The following HPSE2 variants were observed in gnomAD, a reference collection of about 807,000 sequenced individuals.
The protein encoded by HPSE2 is inactive heparanase-2.
Under a neutral mutation model 60.5 loss-of-function variants are expected in HPSE2, and 38 were observed. The ratio of observed to expected loss-of-function variants is 0.63; its 90% CI spans 0.48 to 0.82. The LOEUF (loss-of-function observed/expected upper bound fraction) is 0.82, where lower values mean the gene tolerates loss of function less well. Ranked by LOEUF, HPSE2 falls within the 40% of genes least tolerant of loss-of-function variation. The probability of loss-of-function intolerance (pLI) is 0.00; values close to 1 mark genes in which losing one functional copy is unlikely to be tolerated. For synonymous variants in HPSE2, 295 were observed against 293.2 expected, an observed-to-expected ratio of 1.01 and a Z score of -0.06; for missense variants, 713 against 740.4, an observed-to-expected ratio of 0.96 and a Z score of 0.43.
chr10:99,267,434 A>T, the HPSE2 span, among the ~76,000 whole-genome samples: 1 of 152,092 alleles, frequency 6.6e-6, no homozygotes, highest in East Asian at 1.9e-4. Context: ...ACAAACACAA[A>T]GAAAAAAAAT....
At chr10:98,590,613 A>G (rs1481717267) in intron 9 of HPSE2, among the ~76,000 whole-genome samples, 1 of 152,240 alleles carries the variant, frequency 6.6e-6, no homozygotes, top group Non-Finnish European at 1.5e-5. Flanking sequence ...TCACATAAGC[A>G]TTTCTCCAGT....
the HPSE2 span, among the ~76,000 whole-genome samples, chr10:99,259,398 G>T: frequency 6.7e-6 from 1 of 149,362 alleles, no homozygotes; most frequent in East Asian, 1.9e-4. Flanking sequence ...TACCATAAAA[G>T]ACTTGTATAC....
chr10:98,868,148 A>T (rs1425199231), intron 3 of HPSE2, among the ~76,000 whole-genome samples: 2 of 151,722 alleles, frequency 1.3e-5, no homozygotes, highest in Non-Finnish European at 2.9e-5. Flanking sequence ...TACACAATGA[A>T]GTACTATTCA....
intron 2 of HPSE2, among the ~76,000 whole-genome samples, chr10:99,172,876 A>C (rs1290815427): frequency 1.4e-5 from 2 of 146,752 alleles, no homozygotes; most frequent in African/African-American, 2.4e-5. Context: ...ACTCTGTCTC[A>C]AAAAAAGAAG....
At chr10:99,132,242 A>AAG (rs1845467165) in intron 3 of HPSE2, among the ~76,000 whole-genome samples, 1 of 109,382 alleles carries the variant, frequency 9.1e-6, no homozygotes, top group Non-Finnish European at 2.1e-5. Flanking sequence ...AGAGAGAGAG[A>AAG]GAAAGAAAGA....
chr10:98,892,935 G>A (rs747959175), intron 3 of HPSE2, among the ~76,000 whole-genome samples: 6 of 152,066 alleles, frequency 3.9e-5, no homozygotes, highest in Non-Finnish European at 7.4e-5. Context: ...GCTAACTGGG[G>A]TACCTACAAA....
chr10:98,505,216 A>T (rs926111066), intron 9 of HPSE2, among the ~76,000 whole-genome samples: 2 of 152,202 alleles, frequency 1.3e-5, no homozygotes, highest in Non-Finnish European at 2.9e-5. Flanking sequence ...TCCAACTGTG[A>T]CTGGGGACCA....
intron 9 of HPSE2, among the ~76,000 whole-genome samples, chr10:98,496,780 C>T (rs1473095577): frequency 1.3e-5 from 2 of 152,132 alleles, no homozygotes; most frequent in African/African-American, 4.8e-5. Context: ...TCCTCTGTAA[C>T]ATAGCTTTTA....
intron 9 of HPSE2, among the ~76,000 whole-genome samples, chr10:98,607,137 A>G (rs1400277014): frequency 7.5e-6 from 1 of 133,320 alleles, no homozygotes; most frequent in East Asian, 2.3e-4. Context: ...TTTTTAGATA[A>G]TTGTTTAGTG....
intron 3 of HPSE2, among the ~76,000 whole-genome samples, chr10:98,908,504 AG>A (rs971661976): frequency 3.3e-5 from 5 of 151,774 alleles, no homozygotes; most frequent in African/African-American, 1.2e-4. Flanking sequence ...ACCAACATGG[AG>A]AAACCCCATC....
At chr10:98,974,074 T>C (rs1189297287) in intron 3 of HPSE2, among the ~76,000 whole-genome samples, 2 of 151,928 alleles carry the variant, frequency 1.3e-5, no homozygotes, top group African/African-American at 2.4e-5. Context: ...GTGGATCACT[T>C]GAGACAACAA....
At chr10:99,023,148 C>T (rs1266164931) in intron 3 of HPSE2, among the ~76,000 whole-genome samples, 4 of 152,058 alleles carry the variant, frequency 2.6e-5, no homozygotes, top group African/African-American at 9.7e-5. Context: ...GGCCAGGCAG[C>T]ATTCACCACA....
At chr10:98,657,214 A>AAAAAC in intron 6 of HPSE2, among the ~76,000 whole-genome samples, 1 of 151,598 alleles carries the variant, frequency 6.6e-6, no homozygotes, top group Admixed American at 6.6e-5. Flanking sequence ...AAGCTGTGCA[A>AAAAAC]AAAAAAAAAG....
At chr10:98,897,678 T>A (rs1017672710) in intron 3 of HPSE2, among the ~76,000 whole-genome samples, 1 of 152,080 alleles carries the variant, frequency 6.6e-6, no homozygotes, top group South Asian at 2.1e-4. Context: ...TAGATTCAGA[T>A]CTCATACCCT....
chr10:98,909,921 A>C (rs1438539717), intron 3 of HPSE2, among the ~76,000 whole-genome samples: 1 of 152,198 alleles, frequency 6.6e-6, no homozygotes, highest in Non-Finnish European at 1.5e-5. Flanking sequence ...AACCAAGATT[A>C]AAAGTTGTTC....
chr10:98,554,447 T>C (rs1361084022), intron 9 of HPSE2, among the ~76,000 whole-genome samples: 3 of 152,232 alleles, frequency 2.0e-5, no homozygotes, highest in Admixed American at 6.5e-5. Context: ...ATTTCTTGCA[T>C]TGCTGTGTCT....
intron 3 of HPSE2, among the ~76,000 whole-genome samples, chr10:99,134,479 G>A (rs1039615775): frequency 6.6e-6 from 1 of 152,260 alleles, no homozygotes; most frequent in South Asian, 2.1e-4. Context: ...GAGAAAGTTC[G>A]GGTTACCCAC....
chr10:98,600,258 C>T (rs888690503), intron 9 of HPSE2, among the ~76,000 whole-genome samples: 22 of 152,160 alleles, frequency 1.4e-4, no homozygotes, highest in African/African-American at 4.8e-4. Flanking sequence ...ACCATATATA[C>T]TACATGCATA....
chr10:98,490,270 CA>C, intron 9 of HPSE2, 74 bp from the exon 10 acceptor site: 1 of 14,550 alleles, frequency 6.9e-5, no homozygotes, highest in Non-Finnish European at 2.4e-4. Context: ...ATGACACACA[CA>C]CACACACACA....
Sources: allele counts gnomAD v4.1 joint callset (sites outside exome capture counted in the v4.1 genomes callset), GRCh38; gene constraint gnomAD v4.1.1; transcripts MANE v1.5; gene names NCBI Gene and HGNC (gene_info 2026-07-23, HGNC 2026-07-21).